MARCHF1: variants seen among roughly 807,000 people sequenced by gnomAD.
The protein encoded by MARCHF1 is E3 ubiquitin-protein ligase MARCHF1.
Under a neutral mutation model 54.2 loss-of-function variants are expected in MARCHF1, and 40 were observed. The ratio of observed to expected loss-of-function variants is 0.74; its 90% CI spans 0.57 to 0.96. The LOEUF (loss-of-function observed/expected upper bound fraction) is 0.96. Among genes scored for constraint, MARCHF1 ranks in the 40% least tolerant of loss-of-function variants. The probability of loss-of-function intolerance (pLI) is 0.00; values close to 1 mark genes in which losing one functional copy is unlikely to be tolerated. For synonymous variants in MARCHF1, 236 were observed against 236.3 expected, an observed-to-expected ratio of 1.00 and a Z score of 0.01; for missense variants, 586 against 656.5, an observed-to-expected ratio of 0.89 and a Z score of 1.17.
chr4:164,326,973 G>T (rs967860065), intron 1 of MARCHF1, among the ~76,000 whole-genome samples: 14 of 150,992 alleles, frequency 9.3e-5, no homozygotes, highest in African/African-American at 3.4e-4. Flanking sequence ...GTGTGTGTGT[G>T]TGTGTGTGTG....
intron 1 of MARCHF1, among the ~76,000 whole-genome samples, chr4:164,140,321 A>T (rs977311377): frequency 2.6e-5 from 4 of 151,880 alleles, no homozygotes; most frequent in African/African-American, 9.7e-5. Flanking sequence ...TAAACAAAAA[A>T]ATCAACCCTC....
intron 4 of MARCHF1, among the ~76,000 whole-genome samples, chr4:163,744,143 G>C (rs1746289201): frequency 6.6e-6 from 1 of 152,308 alleles, no homozygotes; most frequent in South Asian, 2.1e-4. Context: ...TACTCACAGG[G>C]ACAGTGATCA....
chr4:163,617,102 C>T (rs1360809274), intron 5 of MARCHF1, among the ~76,000 whole-genome samples: 3 of 152,020 alleles, frequency 2.0e-5, no homozygotes, highest in Non-Finnish European at 4.4e-5. Flanking sequence ...ATGTCATTTG[C>T]AGCAACATAG....
chr4:163,855,709 TA>T (rs1286808493), intron 3 of MARCHF1, among the ~76,000 whole-genome samples: 1 of 152,202 alleles, frequency 6.6e-6, no homozygotes, highest in Non-Finnish European at 1.5e-5. Context: ...AATAAAATGC[TA>T]AATTCATTCA....
chr4:164,220,771 ATT>A (rs34796186), intron 1 of MARCHF1, among the ~76,000 whole-genome samples: 257 of 145,152 alleles, frequency 1.8e-3, no homozygotes, highest in Admixed American at 3.7e-3. Flanking sequence ...TATATGATAT[ATT>A]TTTTTTTGGA....
intron 4 of MARCHF1, among the ~76,000 whole-genome samples, chr4:163,756,338 T>C (rs1203506759): frequency 1.3e-5 from 2 of 151,660 alleles, no homozygotes; most frequent in African/African-American, 2.4e-5. Flanking sequence ...GTTAAGAAAA[T>C]GAGCAGAAGG....
intron 1 of MARCHF1, among the ~76,000 whole-genome samples, chr4:164,179,176 C>A (rs1177490873): frequency 6.6e-6 from 1 of 152,138 alleles, no homozygotes; most frequent in Non-Finnish European, 1.5e-5. Context: ...GCAGAAGGAG[C>A]TGGTGATGAG....
chr4:163,929,309 T>A (rs1339176174), intron 3 of MARCHF1, among the ~76,000 whole-genome samples: 1 of 152,040 alleles, frequency 6.6e-6, no homozygotes, highest in Non-Finnish European at 1.5e-5. Context: ...GCAGCAATAA[T>A]AATGGCTGCC....
Position 163,613,186 on chromosome 4 carries a change from A to G in MARCHF1, c.242+128T>C, listed in dbSNP as rs1741404407. On this transcript the variant is annotated intron_variant, in intron 6 of 9. Transcript: ENST00000514618. ...AAGAAAATGAACTAAATGAAAAAAA[A>G]TAGCCAGTATAAATTTTCTATGGAC... The G allele has an allele frequency of 7.2e-6, 9 of 1,253,276 alleles. No individual in the cohort carries two copies. In the South Asian group the frequency reaches 1.5e-4, roughly 21 times the overall value. The allele number at this position is 1,253,276 out of a possible 1,614,324, so 77.6% of individuals were successfully genotyped here.
intron 1 of MARCHF1, among the ~76,000 whole-genome samples, chr4:164,254,110 T>A (rs145387764): frequency 6.6e-6 from 1 of 152,120 alleles, no homozygotes; most frequent in Non-Finnish European, 1.5e-5. Context: ...ATATTTGTTA[T>A]GAATTTTTTT....
At chr4:164,173,076 G>C (rs982477983) in intron 1 of MARCHF1, among the ~76,000 whole-genome samples, 1 of 151,712 alleles carries the variant, frequency 6.6e-6, no homozygotes, top group South Asian at 2.1e-4. Context: ...CAATTTGCAA[G>C]TTTTGAGTAC....
intron 2 of MARCHF1, among the ~76,000 whole-genome samples, chr4:164,013,405 G>A (rs946330555): frequency 9.9e-5 from 15 of 151,986 alleles, no homozygotes; most frequent in Non-Finnish European, 2.1e-4. Context: ...AAAAAATCTA[G>A]AAAATAGCCT....
chr4:164,052,151 T>TG (rs1374525354), intron 2 of MARCHF1, among the ~76,000 whole-genome samples: 9 of 151,786 alleles, frequency 5.9e-5, no homozygotes, highest in Non-Finnish European at 1.3e-4. Context: ...TTTTTTGTTT[T>TG]TTTTGTATTT....
chr4:164,321,566 C>T (rs1238490545), intron 1 of MARCHF1, among the ~76,000 whole-genome samples: 1 of 151,748 alleles, frequency 6.6e-6, no homozygotes, highest in Non-Finnish European at 1.5e-5. Flanking sequence ...TCACCTGCAA[C>T]ATCAGATGAA....
At chr4:163,916,716 C>T (rs1256792585) in intron 3 of MARCHF1, among the ~76,000 whole-genome samples, 2 of 152,014 alleles carry the variant, frequency 1.3e-5, no homozygotes, top group Non-Finnish European at 2.9e-5. Flanking sequence ...AGGTTCACAG[C>T]ACAACTGAGC....
rs1197731647 is a variant in MARCHF1, at chr4:164,201,251, C to T, written c.-322-89589G>A. On this transcript the variant is annotated intron_variant, in intron 1 of 9. Coordinates refer to ENST00000514618, the MANE Select transcript of MARCHF1 (RefSeq NM_001394959.1). Reference sequence around the variant, plus strand: ...TTTGTTTTGTTTTGGGATGGAGTCTCGCTCTGTTGCCAGGCTGGAGTGCAA... The same window carrying T: ...TTTGTTTTGTTTTGGGATGGAGTCTTGCTCTGTTGCCAGGCTGGAGTGCAA... Among the ~76,000 whole-genome samples the T allele has an allele frequency of 5.9e-5, 9 of 152,146 alleles. No homozygotes were observed. The East Asian group carries it at 9.7e-4, about 16-fold the overall frequency.
chr4:163,858,991 G>A (rs188051349), intron 3 of MARCHF1, among the ~76,000 whole-genome samples: 135 of 152,256 alleles, frequency 8.9e-4, no homozygotes, highest in African/African-American at 3.2e-3. Flanking sequence ...GTCTCAAATG[G>A]AGAGAGATGT....
At chr4:164,074,669 C>T (rs571623978) in intron 2 of MARCHF1, among the ~76,000 whole-genome samples, 10 of 152,016 alleles carry the variant, frequency 6.6e-5, no homozygotes, top group African/African-American at 2.2e-4. Flanking sequence ...TATTTATAGA[C>T]ATGGAAAAAT....
At chr4:164,094,731 G>A (rs1480648508) in intron 2 of MARCHF1, among the ~76,000 whole-genome samples, 1 of 152,112 alleles carries the variant, frequency 6.6e-6, no homozygotes, top group Admixed American at 6.5e-5. Flanking sequence ...AACATGACTA[G>A]GTGTTGTTTG....
Sources: gnomAD v4.1 joint callset for allele counts (sites outside exome capture counted in the v4.1 genomes callset) on GRCh38, gnomAD v4.1.1 for gene constraint, MANE v1.5 for transcripts, NCBI Gene and HGNC (gene_info 2026-07-23, HGNC 2026-07-21) for gene names.